Variants in DBP observed in about 807,000 individuals in gnomAD.
DBP encodes the protein D-box binding PAR bZIP transcription factor.
Under a neutral mutation model 21.4 loss-of-function variants are expected in DBP, and 12 were observed. The observed-to-expected ratio is 0.56, with a 90% CI of 0.36 to 0.91. The LOEUF (loss-of-function observed/expected upper bound fraction) is 0.91, where lower values mean the gene tolerates loss of function less well. DBP is among the 40% of genes least tolerant of loss of function. The pLI is 0.01. For synonymous variants in DBP, 213 were observed against 224.9 expected (o/e 0.95, Z 0.47); for missense variants, 423 against 473.4 (o/e 0.89, Z 0.99).
At position 48,630,437 on chromosome 19, in the gene DBP, G is replaced by C; in HGVS notation, c.*400C>G. The C allele has an allele frequency of 7.0e-7, 1 of 1,434,284 alleles. No individual in the cohort carries two copies. Among genetic ancestry groups the C allele is most frequent in the Non-Finnish European group, 9.1e-7 (1 of 1,097,056 alleles). 88.8% of individuals were successfully genotyped at this position (1,434,284 alleles called of 1,614,324 possible). On this transcript the variant is annotated 3_prime_UTR_variant, in exon 4 of 4. Coordinates refer to ENST00000222122, the MANE Select transcript of DBP (RefSeq NM_001352.5). This position sits in a 1 kb window ranked among gnomAD's most constrained non-coding sequence, Gnocchi z 4.9. The stretch of plus-strand genomic sequence containing the variant: ...CTGCCCTTCCTCCATCCGACAGCCC[G>C]CGGGAGGACTCAGACTCCAGCACTT...
chr19:48,630,927 C>T lies in DBP; in HGVS notation c.888G>A (p.Leu296=), dbSNP rs762285369. The part of the protein sequence containing the change: ...RAAFLEKENA[L]LRQEVVAVRQ... ...GCACGGCCACAACTTCCTGCCGCAGCAGGGCGTTCTCCTTCTCCAGGAAGG... is the reference window on the plus strand; with the variant it reads ...GCACGGCCACAACTTCCTGCCGCAGTAGGGCGTTCTCCTTCTCCAGGAAGG... Residue 296 remains leucine (L), a synonymous_variant, in exon 4 of 4, where the codon CTG becomes CTA. Transcript: ENST00000222122. The surrounding 1 kb of genome is among the most constrained non-coding windows in gnomAD (Gnocchi z 4.9). 24 of 1,611,326 alleles carry T rather than the reference C, an allele frequency of 1.5e-5. No individual in the cohort carries two copies. The highest frequency in any genetic ancestry group is 3.3e-4 in the Middle Eastern group (2 of 6,080).
intron 3 of DBP, 122 bp downstream of exon 3, chr19:48,633,322 G>A: frequency 1.9e-6 from 2 of 1,037,128 alleles, no homozygotes; most frequent in Non-Finnish European, 1.5e-6. Flanking sequence ...GTGGCTGCAG[G>A]CCAGGAGAGG....
chr19:48,630,601 G>A lies in DBP; in HGVS notation c.*236C>T. 1 of 1,528,964 alleles carries A rather than the reference G, an allele frequency of 6.5e-7. No homozygotes were observed. The highest frequency in any genetic ancestry group is 8.7e-7 in the Non-Finnish European group (1 of 1,143,176). The allele number at this position is 1,528,964 out of a possible 1,614,324, so 94.7% of individuals were successfully genotyped here. A position where few individuals can be genotyped will look rare whatever the true frequency, so the allele number is the denominator to read the frequency against. On this transcript the variant is annotated 3_prime_UTR_variant, in exon 4 of 4. Coordinates refer to ENST00000222122, the MANE Select transcript of DBP (RefSeq NM_001352.5). The surrounding 1 kb of genome is among the most constrained non-coding windows in gnomAD (Gnocchi z 4.9). Reference sequence around the variant, plus strand: ...TTTATTCAGGATCGTGTTAACGGAGGCGGTGGGAGGATAGGGTCCCTGACG... The same window carrying A: ...TTTATTCAGGATCGTGTTAACGGAGACGGTGGGAGGATAGGGTCCCTGACG...
intron 2 of DBP, 98 bp downstream of exon 2, chr19:48,635,482 A>T: frequency 1.1e-5 from 16 of 1,479,076 alleles, no homozygotes; most frequent in Non-Finnish European, 1.4e-5. Context: ...TCGAGGCCGC[A>T]GCCAGGTCCC....
chr19:48,634,818 C>T (rs1041520328), intron 2 of DBP: 33 of 985,488 alleles, frequency 3.3e-5, no homozygotes, highest in South Asian at 9.4e-5. Flanking sequence ...CCTCAATGTG[C>T]CCAAAGGGAA....
At chr19:48,634,708 G>A (rs896335511) in intron 2 of DBP, 2 of 985,424 alleles carry the variant, frequency 2.0e-6, no homozygotes, top group Admixed American at 1.2e-4. Flanking sequence ...CGTGGCGCAG[G>A]AATGTGCCGC....
In DBP at chr19:48,635,828, G is replaced by A. The variant is rs1480094118; in HGVS notation, c.302C>T (p.Ala101Val). 3 of 1,425,268 alleles carry A rather than the reference G, an allele frequency of 2.1e-6. No individual in the cohort carries two copies. Among genetic ancestry groups the A allele is most frequent in the South Asian group, 1.4e-5 (1 of 69,390 alleles). The allele number at this position is 1,425,268 out of a possible 1,614,324, so 88.3% of individuals were successfully genotyped here. A position where few individuals can be genotyped will look rare whatever the true frequency, so the allele number is the denominator to read the frequency against. The stretch of plus-strand genomic sequence containing the variant: ...CAGCGTGCGCTCCCACAGCAGTGGC[G>A]CCAACAGACCCGGGGCGGGCACCGG... ...PGPVPAPGLLAPLLWERTLPF... is the reference protein window; with the variant it reads ...PGPVPAPGLLVPLLWERTLPF... Residue 101 changes from alanine (A) to valine (V), a missense_variant, in exon 2 of 4, where the codon GCG becomes GTG. Coordinates refer to ENST00000222122, the MANE Select transcript of DBP (RefSeq NM_001352.5).
chr19:48,633,681 G>A (rs562390074), intron 2 of DBP, 26 bp from the exon 3 acceptor site: 2 of 1,599,230 alleles, frequency 1.3e-6, no homozygotes, highest in African/African-American at 1.3e-5. Flanking sequence ...CGTGTCAGCT[G>A]AGTGTGTATT....
rs1254592822 is a variant in DBP, at chr19:48,633,682, AGT to A, written c.551-29_551-28del. On this transcript the variant is annotated intron_variant, in intron 2 of 3. Coordinates refer to ENST00000222122, the MANE Select transcript of DBP (RefSeq NM_001352.5). ...TTGGGGAAACAGCACGTGTCAGCTG[AGT>A]GTGTATTTTAAGGAGGGGGTTTCCT... The A allele has an allele frequency of 1.9e-6, 3 of 1,599,096 alleles. No homozygotes were observed. The East Asian group carries it at 6.7e-5, about 36-fold the overall frequency.
At position 48,630,217 on chromosome 19, in the gene DBP, C is replaced by T. The variant is rs2147706103; in HGVS notation, c.*620G>A. On this transcript the variant is annotated 3_prime_UTR_variant, in exon 4 of 4. Transcript: ENST00000222122. The surrounding 1 kb of genome is among the most constrained non-coding windows in gnomAD (Gnocchi z 4.9). Reference sequence around the variant, plus strand: ...CATCCACTCCGGTGCCTCCATTTAGCTGGCCAATCAGCCCAGGAGGGGCAG... The same window carrying T: ...CATCCACTCCGGTGCCTCCATTTAGTTGGCCAATCAGCCCAGGAGGGGCAG... 7.9e-7 allele frequency: 1 copy of T among 1,259,400 alleles called. No homozygotes were observed. The highest frequency in any genetic ancestry group is 3.0e-4 in the Middle Eastern group (1 of 3,282). The allele number at this position is 1,259,400 out of a possible 1,614,324, so 78.0% of individuals were successfully genotyped here. A position where few individuals can be genotyped will look rare whatever the true frequency, so the allele number is the denominator to read the frequency against.
rs1342025713 is a variant in DBP at position 48,635,859 on chromosome 19, G to C, written c.271C>G (p.Pro91Ala). 7.2e-7 allele frequency: 1 copy of C among 1,398,196 alleles called. No individual in the cohort carries two copies. The highest frequency in any genetic ancestry group is 3.0e-5 in the East Asian group (1 of 32,994). The allele number at this position is 1,398,196 out of a possible 1,614,324, so 86.6% of individuals were successfully genotyped here. A position where few individuals can be genotyped will look rare whatever the true frequency, so the allele number is the denominator to read the frequency against. ...AGACCCGGGGCGGGCACCGGCCCCG[G>C]GCGCCCCCGCGGGGACCCTCCGCCC... ...VVGGGSPRGRPGPVPAPGLLA... is the reference protein window; with the variant it reads ...VVGGGSPRGRAGPVPAPGLLA... Residue 91 changes from proline (P) to alanine (A), a missense_variant, in exon 2 of 4, where the codon CCG becomes GCG. This residue lies in a region of DBP where 283 missense variants were observed against 273.7 expected (regional missense o/e 1.03). Transcript: ENST00000222122.
At position 48,635,809 on chromosome 19, in the gene DBP, G is replaced by A; in HGVS notation, c.321C>T (p.Arg107=). ...PGLLAPLLWE[R]TLPFGDVEYV... ...ACTCCACATCGCCGAACGGCAGCGT[G>A]CGCTCCCACAGCAGTGGCGCCAACA... Residue 107 remains arginine, a synonymous_variant, in exon 2 of 4, where the codon CGC becomes CGT. Coordinates refer to ENST00000222122, the MANE Select transcript of DBP (RefSeq NM_001352.5). The A allele has an allele frequency of 7.0e-7, 1 of 1,434,736 alleles. No individual in the cohort carries two copies. The highest frequency in any genetic ancestry group is 9.1e-7 in the Non-Finnish European group (1 of 1,102,888). The allele number at this position is 1,434,736 out of a possible 1,614,324, so 88.9% of individuals were successfully genotyped here.
chr19:48,631,578 G>A (rs1200585171), intron 3 of DBP: 1 of 154,642 alleles, frequency 6.5e-6, no homozygotes, highest in Non-Finnish European at 1.4e-5. Context: ...GGTCTAAGTG[G>A]TTTCAATGAC....
intron 2 of DBP, 193 bp downstream of exon 2, chr19:48,635,387 C>G (rs1210101010): frequency 5.1e-6 from 7 of 1,368,512 alleles, no homozygotes; most frequent in Middle Eastern, 1.9e-4. Context: ...CTCTCCTCCC[C>G]CATGGATCCA....
intron 2 of DBP, chr19:48,634,013 T>C (rs557941797): frequency 9.3e-5 from 29 of 313,012 alleles, no homozygotes; most frequent in African/African-American, 3.7e-4. Flanking sequence ...GGCTGGAGAA[T>C]TGCTTGAACC....
At chr19:48,632,982 G>A in intron 3 of DBP, 1 of 247,834 alleles carries the variant, frequency 4.0e-6, no homozygotes, top group Non-Finnish European at 8.0e-6. Context: ...GGCTGAGTCA[G>A]CACCCCACAG....
chr19:48,636,759 C>A, intron 1 of DBP, 97 bp downstream of exon 1: 3 of 1,409,568 alleles, frequency 2.1e-6, no homozygotes, highest in Non-Finnish European at 2.9e-6. Context: ...AAGATGGACT[C>A]CCCGCACGCA....
Position 48,636,943 on chromosome 19 carries a change from G to A in DBP, c.52C>T (p.Pro18Ser). 1.9e-6 allele frequency: 3 copies of A among 1,569,544 alleles called. No individual in the cohort carries two copies. Among genetic ancestry groups the A allele is most frequent in the Non-Finnish European group, 2.6e-6 (3 of 1,158,912 alleles). Residue 18 changes from proline to serine, a missense_variant, in exon 1 of 4, where the codon CCG (proline) becomes TCG (serine). By Grantham distance (74) the Pro-to-Ser change is moderately conservative (BLOSUM62 -1). Coordinates refer to ENST00000222122, the MANE Select transcript of DBP (RefSeq NM_001352.5). ...RTPAPLLLGG[P>S]AGTPPGGGAL... The stretch of plus-strand genomic sequence containing the variant: ...CCCCCGCCAGGGGGTGTCCCGGCCG[G>A]GCCGCCCAGCAGCAGAGGGGCCGGG...
In DBP at chr19:48,630,266, T is replaced by G; in HGVS notation, c.*571A>C. 1 of 1,288,146 alleles carries G rather than the reference T, an allele frequency of 7.8e-7. No individual in the cohort carries two copies. The highest frequency in any genetic ancestry group is 1.5e-5 in the African/African-American group (1 of 65,138). The allele number at this position is 1,288,146 out of a possible 1,614,324, so 79.8% of individuals were successfully genotyped here. The stretch of plus-strand genomic sequence containing the variant: ...AGGTTCCCCGGGGCCGGCGCTAGGA[T>G]TTGCACTAATGTTCCTCTCCCCGCG... On this transcript the variant is annotated 3_prime_UTR_variant, in exon 4 of 4. Coordinates refer to ENST00000222122, the MANE Select transcript of DBP (RefSeq NM_001352.5). This position sits in a 1 kb window ranked among gnomAD's most constrained non-coding sequence, Gnocchi z 4.9.
Sources: allele counts gnomAD v4.1 joint callset, GRCh38; gene constraint gnomAD v4.1.1; regional missense constraint gnomAD v4.1.1; non-coding constraint Gnocchi (gnomAD v3.1); transcripts MANE v1.5; gene names NCBI Gene and HGNC (gene_info 2026-07-23, HGNC 2026-07-21).